The following ABI2 variants were observed in gnomAD, a reference collection of about 807,000 sequenced individuals.
ABI2 encodes the protein abl interactor 2.
A neutral mutation model predicts 59.2 loss-of-function variants in ABI2; 25 were observed. The ratio of observed to expected loss-of-function variants is 0.42; its 90% CI spans 0.31 to 0.59. ABI2 has a LOEUF of 0.59. ABI2 is among the 20% of genes least tolerant of loss of function. The pLI is 0.14. For missense variants in ABI2, 545 were observed against 681.8 expected (o/e 0.80, Z 2.23); for synonymous variants, 213 against 235.5 (o/e 0.90, Z 0.87).
intron 1 of ABI2, 71 bp downstream of exon 1, chr2:203,328,702 G>A: frequency 9.8e-7 from 1 of 1,024,298 alleles, no homozygotes; most frequent in South Asian, 2.0e-5. Flanking sequence ...GGGGCGTGGG[G>A]CCGAGGCCGC....
intron 1 of ABI2, among the ~76,000 whole-genome samples, chr2:203,359,636 G>A (rs553668821): frequency 1.4e-4 from 22 of 152,234 alleles, no homozygotes; most frequent in African/African-American, 4.8e-4. Context: ...AGATCAAGAC[G>A]TCAGCAGATT....
chr2:203,337,061 T>A (rs2076794477), intron 1 of ABI2, among the ~76,000 whole-genome samples: 1 of 152,168 alleles, frequency 6.6e-6, no homozygotes, highest in Non-Finnish European at 1.5e-5. Context: ...GTTGAAACCT[T>A]TTCCTCTAAG....
chr2:203,414,251 A>G (rs2097794965), intron 10 of ABI2, among the ~76,000 whole-genome samples: 1 of 151,750 alleles, frequency 6.6e-6, no homozygotes, highest in South Asian at 2.1e-4. Context: ...ACACGTGTGC[A>G]CCACCATGTG....
chr2:203,411,443 G>C, intron 10 of ABI2, 72 bp downstream of exon 10: 1 of 1,148,172 alleles, frequency 8.7e-7, no homozygotes. Flanking sequence ...TGATTGACTG[G>C]ATAGTCATTC....
At chr2:203,393,883 CCCA>C (rs1453777968) in intron 5 of ABI2, among the ~76,000 whole-genome samples, 1 of 151,474 alleles carries the variant, frequency 6.6e-6, no homozygotes, top group African/African-American at 2.4e-5. Context: ...CACTAATTTC[CCCA>C]TGTGCATCCT....
chr2:203,332,408 C>T (rs1427926985), intron 1 of ABI2, among the ~76,000 whole-genome samples: 3 of 152,084 alleles, frequency 2.0e-5, no homozygotes, highest in African/African-American at 7.2e-5. Flanking sequence ...AGGCACATCA[C>T]GAGATCAGGA....
intron 2 of ABI2, chr2:203,376,190 G>T: frequency 1.5e-6 from 2 of 1,360,612 alleles, no homozygotes; most frequent in South Asian, 2.8e-5. Context: ...AACCAGGGAA[G>T]TTTTGCCCCC....
intron 9 of ABI2, among the ~76,000 whole-genome samples, chr2:203,405,181 A>G (rs2097373021): frequency 6.6e-6 from 1 of 152,196 alleles, no homozygotes; most frequent in Non-Finnish European, 1.5e-5. Flanking sequence ...ACTCTGCTCT[A>G]TTAAGTTCTG....
At chr2:203,403,598 A>G (rs2097306400) in intron 9 of ABI2, among the ~76,000 whole-genome samples, 1 of 151,118 alleles carries the variant, frequency 6.6e-6, no homozygotes, top group African/African-American at 2.4e-5. Context: ...ATATTATCTC[A>G]TTTGATTCTT....
chr2:203,402,696 A>C lies in ABI2; in HGVS notation c.1154A>C (p.Asn385Thr), dbSNP rs757605464. 1 of 1,606,254 alleles carries C rather than the reference A, an allele frequency of 6.2e-7. No homozygotes were observed. Among genetic ancestry groups the C allele is most frequent in the Non-Finnish European group, 8.5e-7 (1 of 1,177,486 alleles). The change falls in exon 9 of 12, where the codon AAT (asparagine) becomes ACT (threonine). Residue 385 changes from asparagine (N) to threonine (T), a missense_variant. Coordinates refer to ENST00000261018, the MANE Select transcript of ABI2 (RefSeq NM_001375670.1). ...ATTACTTCACAAACAAGCCTTCAGA[A>C]TCAGATGAATGGAGGACCTTTTTAT... ...PSITSQTSLQ[N>T]QMNGGPFYSQ...
intron 1 of ABI2, among the ~76,000 whole-genome samples, chr2:203,329,927 G>A (rs1171480329): frequency 6.6e-6 from 1 of 151,924 alleles, no homozygotes; most frequent in Non-Finnish European, 1.5e-5. Context: ...AGTAAAGATG[G>A]GGTTTCACCA....
rs1219155694 is a variant in ABI2, at chr2:203,428,044, C to T, written c.*692C>T. ...CTGAGGGTGGTGAACGATTGCCACCCGTTTGATTTTAATGTGCTGCTGCAT... is the reference window on the plus strand; with the variant it reads ...CTGAGGGTGGTGAACGATTGCCACCTGTTTGATTTTAATGTGCTGCTGCAT... On this transcript the variant is annotated 3_prime_UTR_variant, in exon 12 of 12. Transcript: ENST00000261018. 6.6e-6 allele frequency: 1 copy of T among 152,144 alleles called. No homozygotes were observed. Among genetic ancestry groups the T allele is most frequent in the Non-Finnish European group, 1.5e-5 (1 of 68,046 alleles). 9.4% of individuals were successfully genotyped at this position (152,144 alleles called of 1,614,324 possible). A position where few individuals can be genotyped will look rare whatever the true frequency, so the allele number is the denominator to read the frequency against.
At chr2:203,372,965 C>T (rs1206154813) in intron 2 of ABI2, among the ~76,000 whole-genome samples, 1 of 152,060 alleles carries the variant, frequency 6.6e-6, no homozygotes, top group African/African-American at 2.4e-5. Flanking sequence ...AAGAGGCGCT[C>T]CTCACTTTCC....
chr2:203,397,100 A>G, intron 8 of ABI2, 133 bp downstream of exon 8: 1 of 1,203,076 alleles, frequency 8.3e-7, no homozygotes, highest in Non-Finnish European at 1.0e-6. Flanking sequence ...TGTACTAACC[A>G]GAAAGTATGT....
At chr2:203,373,542 T>TC (rs1251671526) in intron 2 of ABI2, among the ~76,000 whole-genome samples, 1 of 152,136 alleles carries the variant, frequency 6.6e-6, no homozygotes, top group Non-Finnish European at 1.5e-5. Context: ...CTAAAATTTT[T>TC]CTAAGCGAGG....
Position 203,336,315 on chromosome 2 carries a change from G to A in ABI2, c.117+7684G>A, listed in dbSNP as rs558616169. On this transcript the variant is annotated intron_variant, in intron 1 of 11. Transcript: ENST00000261018. ...CTTCACTCTTTTGGGTAAATTTAAG[G>A]GAAAAGATCAACTGTTGTACCCTGG... Among the ~76,000 whole-genome samples the A allele has an allele frequency of 1.2e-3, 179 of 152,234 alleles. 1 individual carries two copies. Among genetic ancestry groups the A allele is most frequent in the Admixed American group, 3.4e-3 (52 of 15,284 alleles).
chr2:203,378,456 A>G (rs1347348505), intron 2 of ABI2, among the ~76,000 whole-genome samples: 1 of 152,054 alleles, frequency 6.6e-6, no homozygotes, highest in Non-Finnish European at 1.5e-5. Context: ...GATTACTACC[A>G]TGGTTAGTTT....
chr2:203,339,567 C>G lies in ABI2; in HGVS notation c.117+10936C>G, dbSNP rs186985842. Among the ~76,000 whole-genome samples the G allele has an allele frequency of 6.3e-3, 765 of 121,612 alleles. 9 individuals carry two copies. The highest frequency in any genetic ancestry group is 0.022 in the African/African-American group (693 of 31,650). The allele number at this position is 121,612 out of a possible 152,430, so 79.8% of individuals were successfully genotyped here. A position where few individuals can be genotyped will look rare whatever the true frequency, so the allele number is the denominator to read the frequency against. On this transcript the variant is annotated intron_variant, in intron 1 of 11. Transcript: ENST00000261018. ...CTGCACTCCAGCCTGGGCAACAGAG[C>G]AAGACTCCGTCTCAAAAAAAAAAAA...
chr2:203,377,716 G>A (rs778906688), intron 2 of ABI2, among the ~76,000 whole-genome samples: 2 of 152,176 alleles, frequency 1.3e-5, no homozygotes, highest in South Asian at 4.1e-4. Flanking sequence ...GACCTGCCTG[G>A]GCAACATGGA....
Sources: gnomAD v4.1 joint callset for allele counts (sites outside exome capture counted in the v4.1 genomes callset) on GRCh38, gnomAD v4.1.1 for gene constraint, MANE v1.5 for transcripts, NCBI Gene and HGNC (gene_info 2026-07-23, HGNC 2026-07-21) for gene names.